The following INVS variants were observed in gnomAD, a reference collection of about 807,000 sequenced individuals.
INVS encodes the protein inversion of embryo turning homolog.
INVS carries 86 observed loss-of-function variants against 108.8 expected under a neutral mutation model. That is an observed-to-expected ratio of 0.79 (90% CI 0.66 to 0.95). The LOEUF is 0.95. Ranked by LOEUF, INVS falls within the 40% of genes least tolerant of loss-of-function variation. The pLI is 0.00. For synonymous variants in INVS, 455 were observed against 473.5 expected (o/e 0.96, Z 0.51); for missense variants, 1,169 against 1,297.4 (o/e 0.90, Z 1.52).
intron 10 of INVS, among the ~76,000 whole-genome samples, chr9:100,260,189 T>TC (rs1832573215): frequency 7.0e-6 from 1 of 143,512 alleles, no homozygotes; most frequent in African/African-American, 2.5e-5. Flanking sequence ...TTCTTTTCTT[T>TC]TTTTTTTTTT....
chr9:100,295,383 G>A (rs1346840787), intron 14 of INVS, among the ~76,000 whole-genome samples: 1 of 152,214 alleles, frequency 6.6e-6, no homozygotes, highest in Non-Finnish European at 1.5e-5. Context: ...TTCTGGGATT[G>A]TTGCACATTG....
At chr9:100,126,927 A>G (rs1827903830) in intron 3 of INVS, among the ~76,000 whole-genome samples, 2 of 152,172 alleles carry the variant, frequency 1.3e-5, no homozygotes, top group African/African-American at 4.8e-5. Context: ...TATATATGGA[A>G]TTTTTTTACT....
chr9:100,182,736 C>G (rs1318577189), intron 3 of INVS, among the ~76,000 whole-genome samples: 1 of 152,070 alleles, frequency 6.6e-6, no homozygotes, highest in Non-Finnish European at 1.5e-5. Context: ...CCTCAAGGAT[C>G]TAGAACCAGA....
intron 3 of INVS, chr9:100,129,532 AACAAGGAAT>A (rs1827993012): frequency 2.1e-6 from 1 of 466,646 alleles, no homozygotes; most frequent in Non-Finnish European, 3.9e-6. Context: ...TTTTTAAAAA[AACAAGGAAT>A]CAGAAAAATA....
chr9:100,236,139 TG>T (rs1326891241), intron 5 of INVS, among the ~76,000 whole-genome samples: 2 of 152,238 alleles, frequency 1.3e-5, no homozygotes, highest in Admixed American at 1.3e-4. Flanking sequence ...TTCCTCCACT[TG>T]ATCGATCCGG....
At chr9:100,223,277 A>G (rs1424516109) in intron 3 of INVS, among the ~76,000 whole-genome samples, 2 of 151,814 alleles carry the variant, frequency 1.3e-5, no homozygotes, top group Non-Finnish European at 2.9e-5. Context: ...TTGTATTTTT[A>G]GTAGACACAA....
chr9:100,221,814 A>T (rs768981092), intron 3 of INVS, among the ~76,000 whole-genome samples: 2 of 152,212 alleles, frequency 1.3e-5, no homozygotes, highest in Non-Finnish European at 2.9e-5. Context: ...GAGAGACCAC[A>T]TTCACATAAC....
At chr9:100,238,890 A>G (rs1308056409) in intron 5 of INVS, among the ~76,000 whole-genome samples, 2 of 152,250 alleles carry the variant, frequency 1.3e-5, no homozygotes, top group African/African-American at 4.8e-5. Context: ...ACACATGATT[A>G]AAAAATCTCA....
intron 3 of INVS, among the ~76,000 whole-genome samples, chr9:100,134,970 A>G (rs78392416): frequency 2.6e-3 from 401 of 152,308 alleles, no homozygotes; most frequent in African/African-American, 9.3e-3. Flanking sequence ...AAGAAAAACT[A>G]ATCTATGGTG....
chr9:100,261,764 T>C (rs1378491654), intron 10 of INVS, among the ~76,000 whole-genome samples: 4 of 152,226 alleles, frequency 2.6e-5, no homozygotes, highest in African/African-American at 4.8e-5. Context: ...TTTATACTTT[T>C]CATTTCTTTG....
chr9:100,160,907 A>G (rs905189864), intron 3 of INVS, among the ~76,000 whole-genome samples: 3 of 144,096 alleles, frequency 2.1e-5, no homozygotes, highest in Non-Finnish European at 4.5e-5. Flanking sequence ...GTGAGCTGAG[A>G]TCACACCACT....
intron 3 of INVS, among the ~76,000 whole-genome samples, chr9:100,218,143 A>G (rs2118351761): frequency 6.6e-6 from 1 of 152,262 alleles, no homozygotes; most frequent in South Asian, 2.1e-4. Flanking sequence ...GCTATTATAA[A>G]TATAGTTATC....
At chr9:100,151,992 A>G (rs1353428171) in intron 3 of INVS, among the ~76,000 whole-genome samples, 1 of 152,192 alleles carries the variant, frequency 6.6e-6, no homozygotes, top group Admixed American at 6.5e-5. Flanking sequence ...ACTACGTCCT[A>G]TATTAATATG....
chr9:100,152,989 A>G (rs1011628491), intron 3 of INVS, among the ~76,000 whole-genome samples: 18 of 147,232 alleles, frequency 1.2e-4, no homozygotes, highest in Admixed American at 9.4e-4. Context: ...TCAGTGTTGT[A>G]CAGATTGTTA....
intron 3 of INVS, among the ~76,000 whole-genome samples, chr9:100,169,059 A>G (rs1328696717): frequency 6.6e-6 from 1 of 152,244 alleles, no homozygotes; most frequent in Admixed American, 6.5e-5. Flanking sequence ...TAAGTGAGAC[A>G]TTAAACTGAT....
chr9:100,150,917 T>G (rs1253372878), intron 3 of INVS, among the ~76,000 whole-genome samples: 1 of 152,060 alleles, frequency 6.6e-6, no homozygotes, highest in Non-Finnish European at 1.5e-5. Context: ...TGAGGGGGAT[T>G]AAGAGAACCA....
chr9:100,276,049 T>C (rs1485728142), intron 12 of INVS, among the ~76,000 whole-genome samples: 1 of 152,162 alleles, frequency 6.6e-6, no homozygotes, highest in Admixed American at 6.5e-5. Context: ...GATTCTCCCT[T>C]CTCACATCTT....
intron 3 of INVS, among the ~76,000 whole-genome samples, chr9:100,205,384 G>A (rs1307323625): frequency 6.6e-6 from 1 of 151,944 alleles, no homozygotes; most frequent in Non-Finnish European, 1.5e-5. Context: ...TACTTGCAAG[G>A]CTATGGCTAT....
intron 3 of INVS, among the ~76,000 whole-genome samples, chr9:100,132,243 A>C (rs1227765437): frequency 6.6e-6 from 1 of 152,104 alleles, no homozygotes; most frequent in Non-Finnish European, 1.5e-5. Flanking sequence ...GAATGAATGA[A>C]TGAATGAATG....
Sources: allele counts gnomAD v4.1 joint callset (sites outside exome capture counted in the v4.1 genomes callset), GRCh38; gene constraint gnomAD v4.1.1; transcripts MANE v1.5; gene names NCBI Gene and HGNC (gene_info 2026-07-23, HGNC 2026-07-21).